The following DYNC2H1 variants were observed in gnomAD, a reference collection of about 807,000 sequenced individuals.
DYNC2H1 encodes dynein cytoplasmic 2 heavy chain 1, also known as cytoplasmic dynein 2 heavy chain 1.
A neutral mutation model predicts 570.0 loss-of-function variants in DYNC2H1; 410 were observed. The observed-to-expected ratio is 0.72, with a 90% CI of 0.66 to 0.78. The LOEUF is 0.78. Among genes scored for constraint, DYNC2H1 ranks in the 30% least tolerant of loss-of-function variants. The probability of loss-of-function intolerance (pLI) is 0.00; values close to 1 mark genes in which losing one functional copy is unlikely to be tolerated. For missense variants in DYNC2H1, 4,865 were observed against 5,046.4 expected, an observed-to-expected ratio of 0.96 and a Z score of 1.09; for synonymous variants, 1,688 against 1,677.6, an observed-to-expected ratio of 1.01 and a Z score of -0.15.
At chr11:103,231,751 G>T (rs1427981694) in intron 60 of DYNC2H1, among the ~76,000 whole-genome samples, 1 of 151,998 alleles carries the variant, frequency 6.6e-6, no homozygotes, top group Non-Finnish European at 1.5e-5. Context: ...TTGAAGTGAT[G>T]TATCATACTT....
In DYNC2H1 at chr11:103,205,245, A is replaced by C. The variant is rs1862881832; in HGVS notation, c.8454+281A>C. On this transcript the variant is annotated intron_variant, in intron 52 of 88. Transcript: ENST00000375735. This position sits in a 1 kb window ranked among gnomAD's most constrained non-coding sequence, Gnocchi z 4.5. ...ACTAGCCTATTACAGGCTGTCCTAG[A>C]TTTTTAAAAAATCATAGCAAGTATT... 6.6e-6 allele frequency among the ~76,000 whole-genome samples: 1 copy of C among 152,136 alleles called. No homozygotes were observed. Among genetic ancestry groups the C allele is most frequent in the Non-Finnish European group, 1.5e-5 (1 of 68,018 alleles).
chr11:103,312,541 C>CAAAAAA (rs1294317909), intron 79 of DYNC2H1, among the ~76,000 whole-genome samples: 9 of 70,976 alleles, frequency 1.3e-4, no homozygotes, highest in East Asian at 4.8e-4. Flanking sequence ...GACTCTGCCT[C>CAAAAAA]AAAAAAAAAA....
intron 84 of DYNC2H1, among the ~76,000 whole-genome samples, chr11:103,416,973 AAC>A (rs1943306531): frequency 6.6e-6 from 1 of 152,258 alleles, no homozygotes; most frequent in African/African-American, 2.4e-5. Context: ...AAAGGATATG[AAC>A]AGACACTTCT....
chr11:103,308,105 AC>A lies in DYNC2H1; in HGVS notation c.11493+276del, dbSNP rs11348824. 0.17 allele frequency among the ~76,000 whole-genome samples: 26,306 copies of A among 152,130 alleles called. 2,466 individuals are homozygous for A. The highest frequency in any genetic ancestry group is 0.26 in the Admixed American group (3,971 of 15,272). ...TTTTTAAGTGTGTAGTGCAATATGC[AC>A]CTTGTTGTGCAGTAGATCTGTAGAA... is the stretch of plus-strand genomic sequence containing the variant. On this transcript the variant is annotated intron_variant, in intron 78 of 88. Transcript: ENST00000375735.
At chr11:103,148,647 T>C in intron 20 of DYNC2H1, 30 bp downstream of exon 20, 1 of 1,536,078 alleles carries the variant, frequency 6.5e-7, no homozygotes, top group Non-Finnish European at 8.8e-7. Context: ...ATTATTATTA[T>C]TACTTTTTAC....
intron 83 of DYNC2H1, among the ~76,000 whole-genome samples, chr11:103,359,847 T>C (rs1209359885): frequency 1.3e-5 from 2 of 152,022 alleles, no homozygotes; most frequent in African/African-American, 4.8e-5. Context: ...GTATTTTTAG[T>C]AGAGATGCGT....
intron 83 of DYNC2H1, among the ~76,000 whole-genome samples, chr11:103,370,877 C>A (rs1222549548): frequency 6.6e-6 from 1 of 152,020 alleles, no homozygotes; most frequent in Non-Finnish European, 1.5e-5. Flanking sequence ...GAGAAAACTA[C>A]AATAAATAAC....
At chr11:103,219,056 G>A (rs1264024133) in intron 55 of DYNC2H1, among the ~76,000 whole-genome samples, 7 of 152,144 alleles carry the variant, frequency 4.6e-5, no homozygotes, top group Non-Finnish European at 1.0e-4. Flanking sequence ...TGCCTGGGCT[G>A]TTTAAGTGTT....
chr11:103,422,854 A>C (rs544237970), intron 84 of DYNC2H1, among the ~76,000 whole-genome samples: 1 of 152,278 alleles, frequency 6.6e-6, no homozygotes, highest in East Asian at 1.9e-4. Flanking sequence ...GGGAAAGAGA[A>C]AGAGATAAAT....
Position 103,109,818 on chromosome 11 carries a change from C to A in DYNC2H1, c.195+49C>A, listed in dbSNP as rs769306443. 1.9e-6 allele frequency: 3 copies of A among 1,549,282 alleles called. No individual in the cohort carries two copies. In the South Asian group the frequency reaches 3.6e-5, roughly 19 times the overall value. On this transcript the variant is annotated intron_variant, in intron 1 of 88. Transcript: ENST00000375735. ...TGACCCCTGACCACTCTTCAAGTCC[C>A]CAGGCCCAGCCAGAGGGACGTCGGG...
chr11:103,464,748 G>C (rs1945138091), intron 87 of DYNC2H1, among the ~76,000 whole-genome samples: 1 of 152,028 alleles, frequency 6.6e-6, no homozygotes, highest in South Asian at 2.1e-4. Flanking sequence ...AGAGACTTTA[G>C]GAACCCAAAG....
In DYNC2H1 at chr11:103,168,812, T is replaced by C; in HGVS notation, c.4820T>C (p.Ile1607Thr). ...KALILDIIHN[I>T]DVVKQLNQIQ... ...CTAATTCTTGACATTATCCATAATA[T>C]TGATGTGGTAAAGCAGTTAAACCAA... is the stretch of plus-strand genomic sequence containing the variant. Residue 1607 changes from isoleucine to threonine, a missense_variant, in exon 32 of 89, where the codon ATT becomes ACT. Ile to Thr is a moderately conservative substitution (Grantham distance 89). Transcript: ENST00000375735. 6.2e-7 allele frequency: 1 copy of C among 1,613,276 alleles called. No homozygotes were observed. The highest frequency in any genetic ancestry group is 1.3e-5 in the African/African-American group (1 of 74,990).
chr11:103,329,497 G>A (rs1274194036), intron 82 of DYNC2H1, among the ~76,000 whole-genome samples: 4 of 152,112 alleles, frequency 2.6e-5, no homozygotes, highest in East Asian at 1.9e-4. Context: ...GATTAATTTA[G>A]GAAGTTTGAC....
chr11:103,424,243 TATTA>T (rs1443647538), intron 84 of DYNC2H1, among the ~76,000 whole-genome samples: 3 of 137,614 alleles, frequency 2.2e-5, no homozygotes, highest in African/African-American at 8.9e-5. Flanking sequence ...TTTGATGGTA[TATTA>T]ATTATATATC....
rs1862785694 is a variant in DYNC2H1, at chr11:103,203,025, A to T, written c.8198-638A>T. Reference sequence around the variant, plus strand: ...TACAAGTTCATCTTTTCATTCATTCATTTATGTAAAACATATTTTTGTTCT... The same window carrying T: ...TACAAGTTCATCTTTTCATTCATTCTTTTATGTAAAACATATTTTTGTTCT... On this transcript the variant is annotated intron_variant, in intron 50 of 88. Coordinates refer to ENST00000375735, the MANE Select transcript of DYNC2H1 (RefSeq NM_001377.3). The surrounding 1 kb of genome is among the most constrained non-coding windows in gnomAD (Gnocchi z 4.7). Among the ~76,000 whole-genome samples, 2 of 152,156 alleles carry T rather than the reference A, an allele frequency of 1.3e-5. No homozygotes were observed. The highest frequency in any genetic ancestry group is 4.1e-4 in the South Asian group (2 of 4,834).
At chr11:103,341,358 A>T (rs1939431039) in intron 82 of DYNC2H1, among the ~76,000 whole-genome samples, 1 of 152,208 alleles carries the variant, frequency 6.6e-6, no homozygotes. Flanking sequence ...CAGTTATTAA[A>T]TCCTCAGTTG....
intron 83 of DYNC2H1, among the ~76,000 whole-genome samples, chr11:103,397,339 G>T (rs957110223): frequency 2.0e-5 from 3 of 152,006 alleles, no homozygotes; most frequent in African/African-American, 7.2e-5. Flanking sequence ...AATCAATTGA[G>T]TAAACATATG....
chr11:103,471,275 T>C (rs915488812), intron 88 of DYNC2H1, among the ~76,000 whole-genome samples: 8 of 152,218 alleles, frequency 5.3e-5, no homozygotes, highest in African/African-American at 1.9e-4. Context: ...CTTCTTTCTT[T>C]ACAGTGAGCC....
Position 103,199,128 on chromosome 11 carries a change from G to T in DYNC2H1, c.7840-100G>T. The T allele has an allele frequency of 1.2e-6, 1 of 818,540 alleles. No homozygotes were observed. The highest frequency in any genetic ancestry group is 1.7e-5 in the African/African-American group (1 of 57,610). The allele number at this position is 818,540 out of a possible 1,614,324, so 50.7% of individuals were successfully genotyped here. On this transcript the variant is annotated intron_variant, in intron 48 of 88. Transcript: ENST00000375735. This position sits in a 1 kb window ranked among gnomAD's most constrained non-coding sequence, Gnocchi z 4.6. ...ATGTAGTCACTTTACTTTTTTTCTT[G>T]AATGTATCAAAAATATAATATTTTA...
Sources: gnomAD v4.1 joint callset for allele counts (sites outside exome capture counted in the v4.1 genomes callset) on GRCh38, gnomAD v4.1.1 for gene constraint, Gnocchi (gnomAD v3.1) non-coding constraint, MANE v1.5 for transcripts, NCBI Gene and HGNC (gene_info 2026-07-23, HGNC 2026-07-21) for gene names.